Variants in FGFR2 observed in about 807,000 individuals in gnomAD.
The protein encoded by FGFR2 is BEK fibroblast growth factor receptor.
In FGFR2, 19 loss-of-function variants were observed where a neutral mutation model predicts 95.9. The ratio of observed to expected loss-of-function variants is 0.20; its 90% CI spans 0.14 to 0.29. The LOEUF is 0.29. Among genes scored for constraint, FGFR2 ranks in the 10% least tolerant of loss-of-function variants. FGFR2 has a pLI of 1.00. For missense variants in FGFR2, 707 were observed against 1,056.9 expected, an observed-to-expected ratio of 0.67 and a Z score of 4.59; for synonymous variants, 392 against 393.3, an observed-to-expected ratio of 1.00 and a Z score of 0.04.
chr10:121,485,173 A>G lies in FGFR2; in HGVS notation c.2195+222T>C, dbSNP rs921133413. Among the ~76,000 whole-genome samples the G allele has an allele frequency of 6.6e-6, 1 of 152,024 alleles. No homozygotes were observed. Among genetic ancestry groups the G allele is most frequent in the Admixed American group, 6.5e-5 (1 of 15,270 alleles). ...AGGCAGCCAGACACCCTCTGATCCAAAGCCCTCTCCATACTCAGAATAATG... is the reference window on the plus strand; with the variant it reads ...AGGCAGCCAGACACCCTCTGATCCAGAGCCCTCTCCATACTCAGAATAATG... On this transcript the variant is annotated intron_variant, in intron 16 of 17. Transcript: ENST00000358487. This position sits in a 1 kb window ranked among gnomAD's most constrained non-coding sequence, Gnocchi z 4.2.
At position 121,503,884 on chromosome 10, in the gene FGFR2, T is replaced by C. The variant is rs761012674; in HGVS notation, c.1345A>G (p.Thr449Ala). ...GTGTCTGCCGTTGAAGAGAGGCGTG[T>C]TGTTATCCTCACCAGCGGGGTGTTG... ...NSNTPLVRIT[T>A]RLSSTADTPM... The change falls in exon 10 of 18, where the codon ACA (threonine) becomes GCA (alanine). Residue 449 changes from threonine to alanine, a missense_variant. Thr to Ala is a moderately conservative substitution (Grantham distance 58). Coordinates refer to ENST00000358487, the MANE Select transcript of FGFR2 (RefSeq NM_000141.5). The C allele has an allele frequency of 6.2e-7, 1 of 1,614,094 alleles. No individual in the cohort carries two copies. Among genetic ancestry groups the C allele is most frequent in the Admixed American group, 1.7e-5 (1 of 60,014 alleles).
At chr10:121,521,460 A>T (rs1473936286) in intron 6 of FGFR2, among the ~76,000 whole-genome samples, 1 of 152,220 alleles carries the variant, frequency 6.6e-6, no homozygotes, top group Non-Finnish European at 1.5e-5. Context: ...CTCAAGTGTT[A>T]AGTAATACCC....
At chr10:121,543,262 C>G (rs139502859) in intron 5 of FGFR2, among the ~76,000 whole-genome samples, 6 of 152,312 alleles carry the variant, frequency 3.9e-5, no homozygotes, top group African/African-American at 1.2e-4. Flanking sequence ...GTAATCCCAG[C>G]ACTTTGGGAG....
At chr10:121,589,354 G>A (rs1386895700) in intron 2 of FGFR2, among the ~76,000 whole-genome samples, 3 of 152,238 alleles carry the variant, frequency 2.0e-5, no homozygotes, top group Non-Finnish European at 4.4e-5. Context: ...AACACTTCCA[G>A]TTTAAACACG....
intron 17 of FGFR2, chr10:121,480,533 A>G (rs1844542115): frequency 4.4e-6 from 1 of 226,182 alleles, no homozygotes; most frequent in African/African-American, 2.3e-5. Flanking sequence ...TTTCTGAATT[A>G]CATTTTACTA....
In FGFR2 at chr10:121,515,240, G is replaced by A. The variant is rs1447650533; in HGVS notation, c.1164C>T (p.Ile388=). 25 of 1,614,086 alleles carry A rather than the reference G, an allele frequency of 1.5e-5. No homozygotes were observed. The highest frequency in any genetic ancestry group is 3.3e-5 in the Admixed American group (2 of 59,998). Residue 388 remains isoleucine, a synonymous_variant, in exon 9 of 18, where the codon ATC becomes ATT. Coordinates refer to ENST00000358487, the MANE Select transcript of FGFR2 (RefSeq NM_000141.5). ...IAIYCIGVFL[I]ACMVVTVILC... ...GGATGACTGTTACCACCATACAGGC[G>A]ATTAAGAAGACCCCTATGCAGTAAA...
chr10:121,528,045 T>C (rs1405541370), intron 6 of FGFR2: 3 of 152,238 alleles, frequency 2.0e-5, no homozygotes, highest in African/African-American at 7.2e-5. Context: ...GAATTAGGTA[T>C]ACCCTCTTAT....
intron 11 of FGFR2, 116 bp downstream of exon 11, chr10:121,500,710 G>A: frequency 2.1e-6 from 3 of 1,429,980 alleles, no homozygotes; most frequent in South Asian, 1.2e-5. Context: ...CAACCCCTAG[G>A]TCAACTATGT....
At chr10:121,503,404 T>C (rs1217722121) in intron 10 of FGFR2, among the ~76,000 whole-genome samples, 1 of 152,224 alleles carries the variant, frequency 6.6e-6, no homozygotes. Flanking sequence ...CTGCATCTAA[T>C]TTCTCCACAG....
At position 121,518,827 on chromosome 10, in the gene FGFR2, G is replaced by A. The variant is rs1051324390; in HGVS notation, c.939+1152C>T. 8.1e-6 allele frequency: 13 copies of A among 1,613,914 alleles called. No homozygotes were observed. Among genetic ancestry groups the A allele is most frequent in the Admixed American group, 1.7e-5 (1 of 59,990 alleles). On this transcript the variant is annotated intron_variant, in intron 7 of 17. Coordinates refer to ENST00000358487, the MANE Select transcript of FGFR2 (RefSeq NM_000141.5). The surrounding 1 kb of genome is among the most constrained non-coding windows in gnomAD (Gnocchi z 4.0). ...CTGCATTGGAACTATTTATCCCCGA[G>A]TGCTAGAACAGACACAGGAGAACAA...
At chr10:121,484,666 T>C (rs183263207) in intron 16 of FGFR2, among the ~76,000 whole-genome samples, 54 of 152,296 alleles carry the variant, frequency 3.5e-4, no homozygotes, top group Middle Eastern at 3.4e-3. Flanking sequence ...ACTGATTCTA[T>C]TGCACCAGGC....
intron 7 of FGFR2, among the ~76,000 whole-genome samples, chr10:121,519,360 A>G (rs1316964142): frequency 2.0e-5 from 3 of 152,096 alleles, no homozygotes; most frequent in Admixed American, 2.0e-4. Context: ...AGAAATAAGG[A>G]GGGAAAGATA....
In FGFR2 at chr10:121,576,047, C is replaced by T. The variant is rs912995065; in HGVS notation, c.110-10343G>A. On this transcript the variant is annotated intron_variant, in intron 2 of 17. Coordinates refer to ENST00000358487, the MANE Select transcript of FGFR2 (RefSeq NM_000141.5). ...TACTAAAAATACAAAATTAGCCGGG[C>T]GTGGTGGCACACGCCTGTAATCCCA... Among the ~76,000 whole-genome samples the T allele has an allele frequency of 7.3e-5, 11 of 151,478 alleles. No individual in the cohort carries two copies. The East Asian group carries it at 1.8e-3, about 24-fold the overall frequency.
chr10:121,592,363 T>A (rs1243533648), intron 2 of FGFR2, among the ~76,000 whole-genome samples: 1 of 152,168 alleles, frequency 6.6e-6, no homozygotes, highest in Non-Finnish European at 1.5e-5. Context: ...ATAATCGGCC[T>A]GTAGCTGTAG....
chr10:121,523,972 G>A (rs1027677576), intron 6 of FGFR2, among the ~76,000 whole-genome samples: 11 of 152,140 alleles, frequency 7.2e-5, no homozygotes, highest in Admixed American at 7.2e-4. Flanking sequence ...GCCAGGCTTC[G>A]GCAGGGAATT....
intron 2 of FGFR2, among the ~76,000 whole-genome samples, chr10:121,590,144 C>T (rs1339730662): frequency 6.6e-6 from 1 of 152,122 alleles, no homozygotes; most frequent in Admixed American, 6.6e-5. Context: ...AAAATTGCTA[C>T]ACAAACTACA....
chr10:121,516,010 ATTG>A (rs1849663492), intron 8 of FGFR2, among the ~76,000 whole-genome samples: 1 of 152,008 alleles, frequency 6.6e-6, no homozygotes, highest in Admixed American at 6.6e-5. Flanking sequence ...ATCCGGTTAT[ATTG>A]TTATGTCACT....
At chr10:121,505,816 T>C (rs1299329953) in intron 9 of FGFR2, among the ~76,000 whole-genome samples, 1 of 152,170 alleles carries the variant, frequency 6.6e-6, no homozygotes, top group Non-Finnish European at 1.5e-5. Flanking sequence ...CATCTCAAGC[T>C]CCACCTACAG....
intron 12 of FGFR2, 132 bp from the exon 13 acceptor site, chr10:121,496,854 G>A (rs1846903790): frequency 2.5e-6 from 2 of 789,818 alleles, no homozygotes; most frequent in South Asian, 3.3e-5. Context: ...ACAGCGGCTG[G>A]GCGTGGTGCC....
Sources: allele counts gnomAD v4.1 joint callset (sites outside exome capture counted in the v4.1 genomes callset), GRCh38; gene constraint gnomAD v4.1.1; non-coding constraint Gnocchi (gnomAD v3.1); transcripts MANE v1.5; gene names NCBI Gene and HGNC (gene_info 2026-07-23, HGNC 2026-07-21).